CNTNAP2: variants seen among roughly 807,000 people sequenced by gnomAD.
CNTNAP2 encodes contactin associated protein 2, also known as contactin-associated protein-like 2.
Under a neutral mutation model 155.2 loss-of-function variants are expected in CNTNAP2, and 98 were observed. The observed-to-expected ratio is 0.63, with a 90% CI of 0.54 to 0.75. The LOEUF (loss-of-function observed/expected upper bound fraction) is 0.75, where lower values mean the gene tolerates loss of function less well. CNTNAP2 is among the 30% of genes least tolerant of loss of function. The pLI, the probability that CNTNAP2 is intolerant of heterozygous loss-of-function variation, is 0.00. For synonymous variants in CNTNAP2, 651 were observed against 631.2 expected (o/e 1.03, Z -0.47); for missense variants, 1,727 against 1,688.1 (o/e 1.02, Z -0.40).
intron 15 of CNTNAP2, among the ~76,000 whole-genome samples, chr7:147,985,116 AAATAAAT>A (rs1388517778): frequency 2.1e-4 from 14 of 65,486 alleles, no homozygotes; most frequent in Non-Finnish European, 4.2e-4. Context: ...CTCTGTCAAA[AAATAAAT>A]AAATAAATAA....
intron 1 of CNTNAP2, among the ~76,000 whole-genome samples, chr7:146,659,634 T>C (rs1187462794): frequency 6.6e-6 from 1 of 152,196 alleles, no homozygotes; most frequent in Non-Finnish European, 1.5e-5. Flanking sequence ...TAACAAAATG[T>C]GTTTAAAGAG....
intron 1 of CNTNAP2, among the ~76,000 whole-genome samples, chr7:146,770,149 A>T (rs530384698): frequency 7.2e-5 from 11 of 152,122 alleles, no homozygotes; most frequent in African/African-American, 2.4e-4. Flanking sequence ...TTGAATTTTA[A>T]ACCATTTTTA....
At chr7:148,398,643 A>G (rs1007736242) in intron 22 of CNTNAP2, among the ~76,000 whole-genome samples, 1 of 152,216 alleles carries the variant, frequency 6.6e-6, no homozygotes, top group Non-Finnish European at 1.5e-5. Flanking sequence ...AAGTATTCTC[A>G]CAAATGATGA....
intron 1 of CNTNAP2, among the ~76,000 whole-genome samples, chr7:146,421,978 G>T (rs1196698869): frequency 1.3e-5 from 2 of 151,582 alleles, no homozygotes; most frequent in Non-Finnish European, 2.9e-5. Context: ...TTTTATATTA[G>T]CACACAGAAG....
chr7:148,307,933 A>G (rs1797517868), intron 21 of CNTNAP2, among the ~76,000 whole-genome samples: 1 of 152,190 alleles, frequency 6.6e-6, no homozygotes, highest in Non-Finnish European at 1.5e-5. Flanking sequence ...AGATCACACC[A>G]CTGCACTCTA....
intron 1 of CNTNAP2, among the ~76,000 whole-genome samples, chr7:146,495,429 ATAAT>A (rs1426885857): frequency 6.6e-6 from 1 of 152,016 alleles, no homozygotes; most frequent in Non-Finnish European, 1.5e-5. Flanking sequence ...CTTGCCTCTG[ATAAT>A]TAGTTACCCT....
intron 9 of CNTNAP2, among the ~76,000 whole-genome samples, chr7:147,312,999 T>C (rs923668766): frequency 2.1e-5 from 3 of 140,092 alleles, no homozygotes; most frequent in Admixed American, 7.3e-5. Context: ...GATTTGCATT[T>C]CTCTGATAGC....
In CNTNAP2 at chr7:148,110,318, C is replaced by A. The variant is rs530967224; in HGVS notation, c.2384-7800C>A. ...TGCCCAGTAGGTGGAGATGGTAGAG[C>A]CAGAATGGGAACCTGGAGGTCGGCT... On this transcript the variant is annotated intron_variant, in intron 15 of 23. Transcript: ENST00000361727. 2.0e-5 allele frequency among the ~76,000 whole-genome samples: 3 copies of A among 152,048 alleles called. 1 individual carries two copies. In the South Asian group the frequency reaches 6.2e-4, roughly 32 times the overall value.
At chr7:147,458,310 T>G (rs1797957928) in intron 10 of CNTNAP2, among the ~76,000 whole-genome samples, 1 of 152,138 alleles carries the variant, frequency 6.6e-6, no homozygotes, top group South Asian at 2.1e-4. Flanking sequence ...TTGGCACTTG[T>G]CCTTATGTCC....
intron 1 of CNTNAP2, among the ~76,000 whole-genome samples, chr7:146,224,324 T>C (rs978106703): frequency 6.6e-6 from 1 of 152,060 alleles, no homozygotes; most frequent in Admixed American, 6.6e-5. Flanking sequence ...TAAGATGTTA[T>C]AATTGACGGT....
chr7:146,724,055 C>T (rs1801385949), intron 1 of CNTNAP2, among the ~76,000 whole-genome samples: 1 of 152,110 alleles, frequency 6.6e-6, no homozygotes, highest in African/African-American at 2.4e-5. Flanking sequence ...CCCACATTTT[C>T]ATTTGCTAGA....
chr7:146,648,233 G>A (rs574759202), intron 1 of CNTNAP2, among the ~76,000 whole-genome samples: 7 of 152,252 alleles, frequency 4.6e-5, no homozygotes, highest in African/African-American at 7.2e-5. Context: ...ATTTTCAAGT[G>A]ATCCTTTGGA....
intron 13 of CNTNAP2, among the ~76,000 whole-genome samples, chr7:147,705,514 G>T (rs1414880888): frequency 1.3e-5 from 2 of 152,132 alleles, no homozygotes; most frequent in African/African-American, 2.4e-5. Context: ...TGGGAAGAAG[G>T]TGCATTCTGT....
At chr7:148,408,146 G>A (rs1429842071) in intron 22 of CNTNAP2, among the ~76,000 whole-genome samples, 1 of 152,120 alleles carries the variant, frequency 6.6e-6, no homozygotes, top group Non-Finnish European at 1.5e-5. Context: ...TTGGGAGGCT[G>A]AGGCAGGAGA....
intron 13 of CNTNAP2, among the ~76,000 whole-genome samples, chr7:147,667,795 C>CAAAAAAA: frequency 7.7e-6 from 1 of 129,616 alleles, no homozygotes; most frequent in Non-Finnish European, 1.7e-5. Flanking sequence ...GCTGCTGCTG[C>CAAAAAAA]AAAAAAAAAA....
At chr7:148,232,860 C>T (rs1795987475) in intron 20 of CNTNAP2, among the ~76,000 whole-genome samples, 1 of 152,220 alleles carries the variant, frequency 6.6e-6, no homozygotes, top group South Asian at 2.1e-4. Context: ...AATCTGCATT[C>T]CCTCAGCACA....
intron 15 of CNTNAP2, among the ~76,000 whole-genome samples, chr7:148,073,460 G>A (rs1336226946): frequency 6.6e-6 from 1 of 152,190 alleles, no homozygotes; most frequent in Admixed American, 6.5e-5. Flanking sequence ...TCCCACCAGA[G>A]ACTTGAACCA....
chr7:147,172,581 G>A (rs950987550), intron 8 of CNTNAP2, among the ~76,000 whole-genome samples: 3 of 151,924 alleles, frequency 2.0e-5, no homozygotes, highest in African/African-American at 7.3e-5. Flanking sequence ...CTCAATTCAT[G>A]TTAATGTAAG....
At chr7:147,268,865 G>A (rs906821748) in intron 8 of CNTNAP2, among the ~76,000 whole-genome samples, 1 of 152,164 alleles carries the variant, frequency 6.6e-6, no homozygotes, top group African/African-American at 2.4e-5. Context: ...ATGCATCCAG[G>A]TTTTGTGTAG....
Sources: gnomAD v4.1 joint callset for allele counts (sites outside exome capture counted in the v4.1 genomes callset) on GRCh38, gnomAD v4.1.1 for gene constraint, MANE v1.5 for transcripts, NCBI Gene and HGNC (gene_info 2026-07-23, HGNC 2026-07-21) for gene names.